CUX2: variants seen among roughly 807,000 people sequenced by gnomAD.
The protein encoded by CUX2 is homeobox protein cut-like 2.
A neutral mutation model predicts 144.8 loss-of-function variants in CUX2; 40 were observed. The ratio of observed to expected loss-of-function variants is 0.28; its 90% CI spans 0.21 to 0.36. The LOEUF is 0.36. Ranked by LOEUF, CUX2 falls within the 10% of genes least tolerant of loss-of-function variation. The pLI, the probability that CUX2 is intolerant of heterozygous loss-of-function variation, is 1.00. For synonymous variants in CUX2, 827 were observed against 875.6 expected (o/e 0.94, Z 0.98); for missense variants, 1,615 against 1,994.0 (o/e 0.81, Z 3.62).
In CUX2 at chr12:111,142,807, G is replaced by A. The variant is rs141857615; in HGVS notation, c.64-71393G>A. ...GCTGATGACTGCAGTCTCATTGGAGGGCCTGTGTAACCGCTGGGATTTTGC... is the reference window on the plus strand; with the variant it reads ...GCTGATGACTGCAGTCTCATTGGAGAGCCTGTGTAACCGCTGGGATTTTGC... On this transcript the variant is annotated intron_variant, in intron 1 of 21. Transcript: ENST00000261726. Among the ~76,000 whole-genome samples the A allele has an allele frequency of 4.2e-4, 64 of 152,242 alleles. 1 individual carries two copies. Among genetic ancestry groups the A allele is most frequent in the African/African-American group, 1.5e-3 (62 of 41,544 alleles).
At chr12:111,096,198 C>A (rs368278310) in intron 1 of CUX2, among the ~76,000 whole-genome samples, 2 of 152,198 alleles carry the variant, frequency 1.3e-5, no homozygotes, top group South Asian at 4.1e-4. Flanking sequence ...GAGTCTGGTC[C>A]GCATTCTTGC....
chr12:111,328,929 T>C (rs1266509662), intron 18 of CUX2, among the ~76,000 whole-genome samples: 3 of 108,988 alleles, frequency 2.8e-5, no homozygotes, highest in Non-Finnish European at 1.7e-5. Flanking sequence ...TCTGCATTTT[T>C]TTGATTCACC....
chr12:111,126,053 C>G (rs7974793), intron 1 of CUX2, among the ~76,000 whole-genome samples: 23,938 of 138,108 alleles, frequency 0.17, 4,302 homozygotes, highest in African/African-American at 0.54. Context: ...GTGGGGGGGG[C>G]GGATTTATTA....
At chr12:111,094,870 G>A (rs147577109) in intron 1 of CUX2, among the ~76,000 whole-genome samples, 59 of 152,282 alleles carry the variant, frequency 3.9e-4, no homozygotes, top group African/African-American at 1.2e-3. Context: ...TCATTGTGCC[G>A]GAAGTTTTGT....
At chr12:111,206,049 AC>A (rs1880904306) in intron 1 of CUX2, among the ~76,000 whole-genome samples, 1 of 152,238 alleles carries the variant, frequency 6.6e-6, no homozygotes, top group Non-Finnish European at 1.5e-5. Context: ...GAACCGGAAG[AC>A]CAGGACAAGT....
intron 4 of CUX2, among the ~76,000 whole-genome samples, chr12:111,278,122 C>T (rs1218251592): frequency 6.6e-6 from 1 of 152,172 alleles, no homozygotes; most frequent in Non-Finnish European, 1.5e-5. Context: ...TTCCATGTAA[C>T]ATAACACTCA....
In CUX2 at chr12:111,296,519, C is replaced by G; in HGVS notation, c.684C>G (p.Tyr228Ter). Residue 228 changes from tyrosine to a stop codon, truncating the protein, a stop_gained, in exon 8 of 22, where the codon TAC (tyrosine) becomes TAG (stop). Coordinates refer to ENST00000261726, the MANE Select transcript of CUX2 (RefSeq NM_015267.4). LOFTEE classifies it high-confidence loss of function. ...AGCTGCTAGAGCTGCGGCGGAAGTA[C>G]GACGAGGAGGCAGCATCCAAGTAAG... ...QAELLELRRK[Y>*]DEEAASKADE... The G allele has an allele frequency of 6.2e-7, 1 of 1,611,456 alleles. No individual in the cohort carries two copies. The highest frequency in any genetic ancestry group is 8.5e-7 in the Non-Finnish European group (1 of 1,178,744).
At chr12:111,198,905 A>AG (rs1880405301) in intron 1 of CUX2, among the ~76,000 whole-genome samples, 1 of 152,236 alleles carries the variant, frequency 6.6e-6, no homozygotes, top group Non-Finnish European at 1.5e-5. Context: ...TGTGAGCAGT[A>AG]GCCTGGCCCT....
At chr12:111,279,159 A>T (rs1001452419) in intron 4 of CUX2, among the ~76,000 whole-genome samples, 4 of 152,180 alleles carry the variant, frequency 2.6e-5, no homozygotes, top group Non-Finnish European at 2.9e-5. Context: ...CAGGAGTCGG[A>T]GAGAATGAGG....
rs973094137 is a variant in CUX2 at position 111,160,669 on chromosome 12, C to T, written c.64-53531C>T. Among the ~76,000 whole-genome samples the T allele has an allele frequency of 2.0e-5, 3 of 152,114 alleles. No individual in the cohort carries two copies. The South Asian group carries it at 6.2e-4, about 32-fold the overall frequency. On this transcript the variant is annotated intron_variant, in intron 1 of 21. Coordinates refer to ENST00000261726, the MANE Select transcript of CUX2 (RefSeq NM_015267.4). This position sits in a 1 kb window ranked among gnomAD's most constrained non-coding sequence, Gnocchi z 4.1. ...AATGGAGGGCTATGCAGAGGAGTGA[C>T]GCAGTCCAGTGGCATTTTCAGGGGA...
chr12:111,128,752 A>G (rs1875248671), intron 1 of CUX2, among the ~76,000 whole-genome samples: 1 of 152,176 alleles, frequency 6.6e-6, no homozygotes. Context: ...CTAGAATCCT[A>G]AGGGCTTGCA....
At chr12:111,138,765 A>C (rs149561799) in intron 1 of CUX2, among the ~76,000 whole-genome samples, 192 of 151,800 alleles carry the variant, frequency 1.3e-3, no homozygotes, top group African/African-American at 4.3e-3. Context: ...ATCCCATCCC[A>C]CCCTAGGGGC....
At chr12:111,305,951 C>T (rs1886558872) in intron 10 of CUX2, among the ~76,000 whole-genome samples, 1 of 151,992 alleles carries the variant, frequency 6.6e-6, no homozygotes, top group Non-Finnish European at 1.5e-5. Flanking sequence ...ATAGGTGTGT[C>T]CTTGTGTGTC....
chr12:111,049,513 A>AG (rs989308784), intron 1 of CUX2, among the ~76,000 whole-genome samples: 2 of 152,250 alleles, frequency 1.3e-5, no homozygotes, highest in Non-Finnish European at 2.9e-5. Context: ...CAGTAATCAG[A>AG]GGCTGTACAC....
At chr12:111,281,625 C>G (rs1426694662) in intron 4 of CUX2, among the ~76,000 whole-genome samples, 1 of 152,202 alleles carries the variant, frequency 6.6e-6, no homozygotes, top group African/African-American at 2.4e-5. Flanking sequence ...ACTCAGGTGC[C>G]CTGAGGATCT....
chr12:111,298,608 C>T lies in CUX2; in HGVS notation c.753+19C>T, dbSNP rs1886134759. 1.9e-6 allele frequency: 3 copies of T among 1,558,502 alleles called. No homozygotes were observed. The highest frequency in any genetic ancestry group is 2.6e-6 in the Non-Finnish European group (3 of 1,150,280). On this transcript the variant is annotated intron_variant, in intron 9 of 21. Coordinates refer to ENST00000261726, the MANE Select transcript of CUX2 (RefSeq NM_015267.4). ...TAATCAGGTGAGGAGGCGCAGTTCCCACCCGTGGGTGCCAGAGGCTCCCTC... is the reference window on the plus strand; with the variant it reads ...TAATCAGGTGAGGAGGCGCAGTTCCTACCCGTGGGTGCCAGAGGCTCCCTC...
chr12:111,287,452 G>A lies in CUX2; in HGVS notation c.302-3966G>A, dbSNP rs555730278. Among the ~76,000 whole-genome samples, 20 of 152,350 alleles carry A rather than the reference G, an allele frequency of 1.3e-4. No individual in the cohort carries two copies. Among genetic ancestry groups the A allele is most frequent in the African/African-American group, 3.6e-4 (15 of 41,574 alleles). Reference sequence around the variant, plus strand: ...CAAAAACCGGGACACAATAGGAAGCGTTTCCTTGAACTTATTAAAAAATCC... The same window carrying A: ...CAAAAACCGGGACACAATAGGAAGCATTTCCTTGAACTTATTAAAAAATCC... On this transcript the variant is annotated intron_variant, in intron 4 of 21. Coordinates refer to ENST00000261726, the MANE Select transcript of CUX2 (RefSeq NM_015267.4). This position sits in a 1 kb window ranked among gnomAD's most constrained non-coding sequence, Gnocchi z 4.2.
intron 1 of CUX2, among the ~76,000 whole-genome samples, chr12:111,067,767 G>T (rs1034639027): frequency 3.3e-5 from 5 of 152,164 alleles, no homozygotes; most frequent in African/African-American, 1.2e-4. Flanking sequence ...ACATCATGTG[G>T]AGAACAAGGG....
intron 1 of CUX2, among the ~76,000 whole-genome samples, chr12:111,071,848 G>A (rs1233315007): frequency 6.6e-6 from 1 of 152,146 alleles, no homozygotes; most frequent in African/African-American, 2.4e-5. Flanking sequence ...AGTTGTTCCA[G>A]CACCATTTGT....
Sources: allele counts gnomAD v4.1 joint callset (sites outside exome capture counted in the v4.1 genomes callset), GRCh38; gene constraint gnomAD v4.1.1; non-coding constraint Gnocchi (gnomAD v3.1); transcripts MANE v1.5; gene names NCBI Gene and HGNC (gene_info 2026-07-23, HGNC 2026-07-21).